Variants in TBCD observed in about 807,000 individuals in gnomAD.
TBCD encodes the protein tubulin folding cofactor D, also known as tubulin-specific chaperone D.
Under a neutral mutation model 169.3 loss-of-function variants are expected in TBCD, and 105 were observed. The ratio of observed to expected loss-of-function variants is 0.62; its 90% CI spans 0.53 to 0.73. The LOEUF (loss-of-function observed/expected upper bound fraction) is 0.73, where lower values mean the gene tolerates loss of function less well. Among genes scored for constraint, TBCD ranks in the 30% least tolerant of loss-of-function variants. The probability of loss-of-function intolerance (pLI) is 0.00; values close to 1 mark genes in which losing one functional copy is unlikely to be tolerated. For missense variants in TBCD, 1,444 were observed against 1,600.1 expected (o/e 0.90, Z 1.66); for synonymous variants, 700 against 643.9 (o/e 1.09, Z -1.32).
intron 14 of TBCD, among the ~76,000 whole-genome samples, chr17:82,870,698 C>T (rs970944572): frequency 2.0e-5 from 3 of 152,080 alleles, no homozygotes; most frequent in Admixed American, 6.5e-5. Context: ...CTGCAGGCAG[C>T]AGATTCTTGG....
At chr17:82,779,818 C>A (rs2048828624) in intron 6 of TBCD, among the ~76,000 whole-genome samples, 1 of 152,102 alleles carries the variant, frequency 6.6e-6, no homozygotes, top group African/African-American at 2.4e-5. Flanking sequence ...GCTCCAGCTT[C>A]CACGTCTCAC....
At chr17:82,755,562 A>G (rs2047360054) in intron 1 of TBCD, among the ~76,000 whole-genome samples, 1 of 152,166 alleles carries the variant, frequency 6.6e-6, no homozygotes. Flanking sequence ...TTTAATGCTA[A>G]TACTGATCAG....
chr17:82,805,782 C>A, intron 9 of TBCD, 93 bp from the exon 10 acceptor site: 1 of 1,452,084 alleles, frequency 6.9e-7, no homozygotes, highest in Non-Finnish European at 9.4e-7. Context: ...CACAGGCACG[C>A]TTTAAGATTC....
chr17:82,830,453 C>CG, intron 13 of TBCD: 1 of 1,612,294 alleles, frequency 6.2e-7, no homozygotes, highest in Non-Finnish European at 8.5e-7. Context: ...ACCGCGCATG[C>CG]GTCTGGAGCC....
chr17:82,848,062 TGAG>T (rs943397814), intron 13 of TBCD, among the ~76,000 whole-genome samples: 16 of 152,110 alleles, frequency 1.1e-4, no homozygotes, highest in African/African-American at 3.9e-4. Flanking sequence ...CTGGTGAGTG[TGAG>T]GAGATGGGTG....
intron 6 of TBCD, among the ~76,000 whole-genome samples, chr17:82,775,771 T>G: frequency 6.8e-6 from 1 of 147,258 alleles, no homozygotes; most frequent in Non-Finnish European, 1.5e-5. Flanking sequence ...GGGATAGCAT[T>G]GGGAGATATA....
At chr17:82,767,236 G>A (rs1240993203) in intron 4 of TBCD, among the ~76,000 whole-genome samples, 1 of 152,102 alleles carries the variant, frequency 6.6e-6, no homozygotes, top group Non-Finnish European at 1.5e-5. Flanking sequence ...TTATAACCGT[G>A]CAGTGCGGTG....
intron 13 of TBCD, among the ~76,000 whole-genome samples, chr17:82,849,451 C>A (rs1211948623): frequency 1.3e-5 from 2 of 152,240 alleles, no homozygotes; most frequent in Admixed American, 1.3e-4. Flanking sequence ...TTGGTTTTGG[C>A]CCCTTTTCAT....
chr17:82,834,958 G>T (rs2053843530), intron 13 of TBCD, among the ~76,000 whole-genome samples: 2 of 152,138 alleles, frequency 1.3e-5, no homozygotes, highest in South Asian at 4.2e-4. Context: ...AGCACTTTGG[G>T]AGGCCGAGGT....
intron 13 of TBCD, chr17:82,840,549 A>G (rs1334016647): frequency 6.6e-6 from 1 of 152,196 alleles, no homozygotes; most frequent in East Asian, 1.9e-4. Context: ...GGTCCTCCTC[A>G]GGAGCTGAGC....
Position 82,868,821 on chromosome 17 carries a change from C to T in TBCD, c.1319-1403C>T, listed in dbSNP as rs181731411. Among the ~76,000 whole-genome samples the T allele has an allele frequency of 1.2e-4, 18 of 152,352 alleles. No homozygotes were observed. In the East Asian group the frequency reaches 2.1e-3, roughly 18 times the overall value. On this transcript the variant is annotated intron_variant, in intron 13 of 38. Transcript: ENST00000355528. ...TAACCGGCCTCTCATGTATCCATCC[C>T]GGGAGTGCCTTTTCTCAGACTGTGT...
At chr17:82,912,389 G>C (rs2060709862) in intron 23 of TBCD, among the ~76,000 whole-genome samples, 1 of 150,744 alleles carries the variant, frequency 6.6e-6, no homozygotes, top group East Asian at 1.9e-4. Context: ...GAGGAGGAGG[G>C]AAGCGTAGAA....
At chr17:82,829,662 T>A (rs2053296365) in intron 13 of TBCD, 1 of 167,236 alleles carries the variant, frequency 6.0e-6, no homozygotes, top group African/African-American at 2.4e-5. Context: ...AATAGCCTCT[T>A]GATGTTTGTG....
intron 30 of TBCD, among the ~76,000 whole-genome samples, chr17:82,928,828 C>A (rs2147292599): frequency 6.6e-6 from 1 of 152,246 alleles, no homozygotes; most frequent in Middle Eastern, 3.4e-3. Flanking sequence ...ACCCTAAGAC[C>A]TCATCAGCAC....
Position 82,806,746 on chromosome 17 carries a change from C to T in TBCD, c.1087+735C>T, listed in dbSNP as rs2050994190. Among the ~76,000 whole-genome samples the T allele has an allele frequency of 1.3e-5, 2 of 152,216 alleles. No individual in the cohort carries two copies. The highest frequency in any genetic ancestry group is 2.9e-5 in the Non-Finnish European group (2 of 68,038). On this transcript the variant is annotated intron_variant, in intron 10 of 38. Transcript: ENST00000355528. This position sits in a 1 kb window ranked among gnomAD's most constrained non-coding sequence, Gnocchi z 5.1. The stretch of plus-strand genomic sequence containing the variant: ...GGTTTCTCCCCAGTCATCTGCACCC[C>T]ACCTCGACCGTGACCATCAGGGCGC...
chr17:82,831,587 G>A lies in TBCD; in HGVS notation c.1318+16653G>A. The A allele has an allele frequency of 1.2e-6, 2 of 1,614,174 alleles. No individual in the cohort carries two copies. Among genetic ancestry groups the A allele is most frequent in the African/African-American group, 1.3e-5 (1 of 75,036 alleles). Reference sequence around the variant, plus strand: ...GATGGAGCCAGGTGCTTAGGGATCGGCCCCGGGTGAGGCAGGAAGTGTCTC... The same window carrying A: ...GATGGAGCCAGGTGCTTAGGGATCGACCCCGGGTGAGGCAGGAAGTGTCTC... On this transcript the variant is annotated intron_variant, in intron 13 of 38. Transcript: ENST00000355528. The surrounding 1 kb of genome is among the most constrained non-coding windows in gnomAD (Gnocchi z 4.6).
intron 9 of TBCD, 45 bp downstream of exon 9, chr17:82,801,041 G>C: frequency 6.9e-7 from 1 of 1,448,538 alleles, no homozygotes; most frequent in Non-Finnish European, 9.4e-7. Context: ...ACGGGGTGGG[G>C]AGGGGTTGCT....
chr17:82,788,262 T>C (rs770417815), intron 7 of TBCD, among the ~76,000 whole-genome samples: 2 of 151,980 alleles, frequency 1.3e-5, no homozygotes, highest in Non-Finnish European at 2.9e-5. Flanking sequence ...AAAAGGAAAA[T>C]GGCTGTCATT....
At chr17:82,932,811 CACAG>C in intron 34 of TBCD, 76 bp downstream of exon 34, 3 of 1,432,466 alleles carry the variant, frequency 2.1e-6, no homozygotes, top group Non-Finnish European at 2.9e-6. Flanking sequence ...AGTCATCAGA[CACAG>C]AGATCAGAAT....
Sources: allele counts gnomAD v4.1 joint callset (sites outside exome capture counted in the v4.1 genomes callset), GRCh38; gene constraint gnomAD v4.1.1; non-coding constraint Gnocchi (gnomAD v3.1); transcripts MANE v1.5; gene names NCBI Gene and HGNC (gene_info 2026-07-23, HGNC 2026-07-21).